The following MSR1 variants were observed in gnomAD, a reference collection of about 807,000 sequenced individuals.
The protein encoded by MSR1 is macrophage scavenger receptor 1.
A neutral mutation model predicts 47.2 loss-of-function variants in MSR1; 53 were observed. The ratio of observed to expected loss-of-function variants is 1.12; its 90% CI spans 0.90 to 1.41. The LOEUF (loss-of-function observed/expected upper bound fraction) is 1.41, where lower values mean the gene tolerates loss of function less well. Ranked by LOEUF, MSR1 falls within the 40% of genes most tolerant of loss-of-function variation. The pLI is 0.00. For missense variants in MSR1, 786 were observed against 546.9 expected, an observed-to-expected ratio of 1.44 and a Z score of -4.36; for synonymous variants, 239 against 185.6, an observed-to-expected ratio of 1.29 and a Z score of -2.34.
intron 4 of MSR1, among the ~76,000 whole-genome samples, chr8:16,165,011 A>AT (rs1801264966): frequency 6.6e-6 from 1 of 152,018 alleles, no homozygotes. Flanking sequence ...AATTGAATCT[A>AT]TTTCTCAAAA....
Position 16,140,719 on chromosome 8 carries a change from C to T in MSR1, c.1033+2839G>A, listed in dbSNP as rs1026713127. On this transcript the variant is annotated intron_variant, in intron 8 of 9. Transcript: ENST00000262101. ...ACTGAGGACTGGTTGGAGCAGCCCT[C>T]CAGTCCGTGCATGAGAGGTGTCCAG... 7 of 1,381,654 alleles carry T rather than the reference C, an allele frequency of 5.1e-6. No individual in the cohort carries two copies. The African/African-American group carries it at 1.0e-4, about 20-fold the overall frequency. The allele number at this position is 1,381,654 out of a possible 1,614,324, so 85.6% of individuals were successfully genotyped here. A position where few individuals can be genotyped will look rare whatever the true frequency, so the allele number is the denominator to read the frequency against.
intron 1 of MSR1, among the ~76,000 whole-genome samples, chr8:16,184,449 G>C (rs763139857): frequency 1.2e-4 from 18 of 152,152 alleles, no homozygotes; most frequent in Non-Finnish European, 1.9e-4. Context: ...AATAACCTTA[G>C]TTAGGTTGGT....
chr8:16,187,357 CTG>C (rs1343001211), intron 1 of MSR1, among the ~76,000 whole-genome samples: 2 of 89,346 alleles, frequency 2.2e-5, no homozygotes, highest in African/African-American at 9.8e-5. Flanking sequence ...GAATAAAACT[CTG>C]TCTCCAAAAA....
intron 8 of MSR1, among the ~76,000 whole-genome samples, chr8:16,142,986 T>C (rs917854691): frequency 6.6e-6 from 1 of 152,182 alleles, no homozygotes; most frequent in African/African-American, 2.4e-5. Context: ...TAATATTTAG[T>C]ATTTAAGGTC....
intron 1 of MSR1, among the ~76,000 whole-genome samples, chr8:16,188,250 C>T (rs528650133): frequency 1.2e-3 from 177 of 152,046 alleles, no homozygotes; most frequent in African/African-American, 4.1e-3. Flanking sequence ...AACCATATAC[C>T]TTACTTTTTT....
At chr8:16,121,318 G>C (rs1394032937) in intron 8 of MSR1, 1 of 263,318 alleles carries the variant, frequency 3.8e-6, no homozygotes, top group Non-Finnish European at 7.5e-6. Context: ...AATTATAAAA[G>C]TAATTTTGTT....
chr8:16,163,562 CA>C (rs1486789883), intron 5 of MSR1, among the ~76,000 whole-genome samples: 8 of 151,076 alleles, frequency 5.3e-5, no homozygotes, highest in Non-Finnish European at 8.9e-5. Flanking sequence ...AGCATATATA[CA>C]TATATTTTAT....
At position 16,125,793 on chromosome 8, in the gene MSR1, G is replaced by C. The variant is rs555091677; in HGVS notation, c.1034-5187C>G. On this transcript the variant is annotated intron_variant, in intron 8 of 9. Transcript: ENST00000262101. ...TTAAAAGTTTTTCTTTAGAGATAAGGTGTCCCTGTGTCTCCCAGATTGAAG... is the reference window on the plus strand; with the variant it reads ...TTAAAAGTTTTTCTTTAGAGATAAGCTGTCCCTGTGTCTCCCAGATTGAAG... Among the ~76,000 whole-genome samples the C allele has an allele frequency of 3.9e-5, 6 of 152,056 alleles. No individual in the cohort carries two copies. The East Asian group carries it at 1.2e-3, about 30-fold the overall frequency.
intron 5 of MSR1, among the ~76,000 whole-genome samples, chr8:16,158,512 C>T (rs1801072112): frequency 6.6e-6 from 1 of 151,948 alleles, no homozygotes; most frequent in Non-Finnish European, 1.5e-5. Context: ...CGATGCTTCT[C>T]TAGTTTTTAT....
chr8:16,172,541 C>T (rs540016092), intron 3 of MSR1, among the ~76,000 whole-genome samples: 6 of 152,142 alleles, frequency 3.9e-5, no homozygotes, highest in African/African-American at 1.4e-4. Context: ...ATTTTATGGT[C>T]TGTGCAACAA....
chr8:16,130,822 T>C (rs76638085), intron 8 of MSR1, among the ~76,000 whole-genome samples: 3,405 of 151,936 alleles, frequency 0.022, 84 homozygotes, highest in Middle Eastern at 0.096. Flanking sequence ...CATTCTTTTG[T>C]ATGGCTGCAT....
Position 16,155,156 on chromosome 8 carries a change from T to G in MSR1, c.818-12A>C. The stretch of plus-strand genomic sequence containing the variant: ...GGGTCCAGGAGGACCTTTAAAAAAA[T>G]TACAGTTACTGATCATAGTTGTAAA... On this transcript the variant is annotated splice_polypyrimidine_tract_variant and intron_variant, in intron 5 of 9. Transcript: ENST00000262101. The G allele has an allele frequency of 6.3e-7, 1 of 1,599,234 alleles. No homozygotes were observed. Among genetic ancestry groups the G allele is most frequent in the Non-Finnish European group, 8.6e-7 (1 of 1,167,754 alleles).
chr8:16,182,548 A>G (rs1298589208), intron 1 of MSR1, among the ~76,000 whole-genome samples: 1 of 147,414 alleles, frequency 6.8e-6, no homozygotes, highest in Non-Finnish European at 1.5e-5. Context: ...TTATCCTATA[A>G]GCTATTTTAA....
At position 16,177,229 on chromosome 8, in the gene MSR1, T is replaced by C. The variant is rs891327971; in HGVS notation, c.103+657A>G. ...AAAGTAAGTTTATTTGGAAATAGGGTCTTTGGAGATGTAATCAAGTTAAAA... is the reference window on the plus strand; with the variant it reads ...AAAGTAAGTTTATTTGGAAATAGGGCCTTTGGAGATGTAATCAAGTTAAAA... On this transcript the variant is annotated intron_variant, in intron 2 of 9. Transcript: ENST00000262101. Among the ~76,000 whole-genome samples the C allele has an allele frequency of 3.9e-4, 60 of 151,996 alleles. 2 individuals are homozygous for C. The highest frequency in any genetic ancestry group is 4.4e-5 in the Non-Finnish European group (3 of 68,020).
rs537906135 is a variant in MSR1 at position 16,119,308 on chromosome 8, C to A, written c.1222+1110G>T. ...GGAGTGCAGCTCGGCTCACTGCAAC[C>A]TCCACCTCCTGGGTCCAAGTAATTG... is the stretch of plus-strand genomic sequence containing the variant. On this transcript the variant is annotated intron_variant, in intron 9 of 9. Transcript: ENST00000262101. Among the ~76,000 whole-genome samples the A allele has an allele frequency of 2.6e-5, 4 of 152,162 alleles. No individual in the cohort carries two copies. In the South Asian group the frequency reaches 8.3e-4, roughly 32 times the overall value.
At position 16,120,139 on chromosome 8, in the gene MSR1, T is replaced by A. The variant is rs1799963635; in HGVS notation, c.1222+279A>T. Among the ~76,000 whole-genome samples the A allele has an allele frequency of 2.0e-5, 3 of 151,782 alleles. No homozygotes were observed. The South Asian group carries it at 6.3e-4, about 32-fold the overall frequency. On this transcript the variant is annotated intron_variant, in intron 9 of 9. Coordinates refer to ENST00000262101, the MANE Select transcript of MSR1 (RefSeq NM_138715.3). ...TCGCCTGTAATCCCAGCACTTTAGG[T>A]TGGCGAGGCGGGCAGATCACGAGGT...
Position 16,122,999 on chromosome 8 carries a change from C to T in MSR1, c.1034-2393G>A, listed in dbSNP as rs190354213. On this transcript the variant is annotated intron_variant, in intron 8 of 9. Transcript: ENST00000262101. ...AGCTACGACTACAGGTGCCTGCCACCACGCCCAGCTAATTTTTTGTATTTT... is the reference window on the plus strand; with the variant it reads ...AGCTACGACTACAGGTGCCTGCCACTACGCCCAGCTAATTTTTTGTATTTT... Among the ~76,000 whole-genome samples, 13 of 151,912 alleles carry T rather than the reference C, an allele frequency of 8.6e-5. No homozygotes were observed. The East Asian group carries it at 2.5e-3, about 30-fold the overall frequency.
intron 9 of MSR1, among the ~76,000 whole-genome samples, chr8:16,117,550 G>A (rs1451121308): frequency 6.6e-6 from 1 of 152,098 alleles, no homozygotes; most frequent in Non-Finnish European, 1.5e-5. Flanking sequence ...TGCCTTTAAA[G>A]GTATGTTTGA....
At chr8:16,158,034 T>C (rs1020237363) in intron 5 of MSR1, among the ~76,000 whole-genome samples, 1 of 151,986 alleles carries the variant, frequency 6.6e-6, no homozygotes, top group African/African-American at 2.4e-5. Context: ...TTTTGTTCCA[T>C]ACTGACATAA....
Sources: gnomAD v4.1 joint callset for allele counts (sites outside exome capture counted in the v4.1 genomes callset) on GRCh38, gnomAD v4.1.1 for gene constraint, MANE v1.5 for transcripts, NCBI Gene and HGNC (gene_info 2026-07-23, HGNC 2026-07-21) for gene names.